Variants in FKTN observed in about 807,000 individuals in gnomAD.
The protein encoded by FKTN is ribitol-5-phosphate transferase FKTN.
A neutral mutation model predicts 58.6 loss-of-function variants in FKTN; 47 were observed. The observed-to-expected ratio is 0.80, with a 90% CI of 0.63 to 1.02. The LOEUF is 1.02. FKTN is among the 50% of genes least tolerant of loss of function. The pLI, the probability that FKTN is intolerant of heterozygous loss-of-function variation, is 0.00. For synonymous variants in FKTN, 178 were observed against 191.9 expected, an observed-to-expected ratio of 0.93 and a Z score of 0.60; for missense variants, 516 against 537.3, an observed-to-expected ratio of 0.96 and a Z score of 0.39.
intron 1 of FKTN, among the ~76,000 whole-genome samples, chr9:105,564,986 C>G (rs562071162): frequency 4.6e-5 from 7 of 152,244 alleles, no homozygotes; most frequent in African/African-American, 1.4e-4. Flanking sequence ...AGAGTGTGGG[C>G]CAATATTCAA....
chr9:105,581,072 AT>A (rs1842787284), intron 3 of FKTN, among the ~76,000 whole-genome samples: 1 of 148,550 alleles, frequency 6.7e-6, no homozygotes, highest in Non-Finnish European at 1.5e-5. Context: ...ATTCTTCTCA[AT>A]TTTTTTCAAA....
intron 10 of FKTN, among the ~76,000 whole-genome samples, chr9:105,620,504 A>C (rs181601999): frequency 6.6e-6 from 1 of 152,138 alleles, no homozygotes; most frequent in Admixed American, 6.5e-5. Context: ...TAACCCATCT[A>C]GTCCTCAAAA....
In FKTN at chr9:105,596,646, A is replaced by G. The variant is rs1064796459; in HGVS notation, c.154A>G (p.Ser52Gly). 6.2e-6 allele frequency: 10 copies of G among 1,607,426 alleles called. No homozygotes were observed. The highest frequency in any genetic ancestry group is 1.7e-5 in the Admixed American group (1 of 59,990). Residue 52 changes from serine to glycine, a missense_variant, in exon 4 of 11, where the codon AGC becomes GGC. Coordinates refer to ENST00000357998, the MANE Select transcript of FKTN (RefSeq NM_001079802.2). Reference sequence around the variant, plus strand: ...CAAAGGAAGCCGAATTGGATTTGATAGCACACAGTGGGTATGTAGAATAAA... The same window carrying G: ...CAAAGGAAGCCGAATTGGATTTGATGGCACACAGTGGGTATGTAGAATAAA... The part of the protein sequence containing the change: ...KSKGSRIGFD[S>G]TQWRAVKKFI...
intron 10 of FKTN, among the ~76,000 whole-genome samples, chr9:105,623,980 A>T (rs1832387761): frequency 6.6e-6 from 1 of 152,182 alleles, no homozygotes; most frequent in African/African-American, 2.4e-5. Context: ...TTTTTAATTT[A>T]AAAAATTCTG....
At chr9:105,604,105 A>G (rs1357930353) in intron 5 of FKTN, 110 bp from the exon 6 acceptor site, 3 of 1,131,124 alleles carry the variant, frequency 2.7e-6, no homozygotes, top group Non-Finnish European at 2.7e-6. Flanking sequence ...GCACAAAAAT[A>G]TGGCTCAAGT....
intron 3 of FKTN, among the ~76,000 whole-genome samples, chr9:105,581,583 G>A (rs890718604): frequency 6.6e-6 from 1 of 151,960 alleles, no homozygotes; most frequent in African/African-American, 2.4e-5. Context: ...TGTCAGACAG[G>A]GACATTGAAG....
At chr9:105,624,686 T>G (rs1162610794) in intron 10 of FKTN, among the ~76,000 whole-genome samples, 3 of 151,396 alleles carry the variant, frequency 2.0e-5, no homozygotes, top group South Asian at 2.1e-4. Context: ...TAACATCAAC[T>G]GGCTTTTAGT....
In FKTN at chr9:105,607,936, T is replaced by C. The variant is rs2132901560; in HGVS notation, c.765T>C (p.Ala255=). The change falls in exon 7 of 11, where the codon GCT becomes GCC. Residue 255 remains alanine (A), a synonymous_variant. Coordinates refer to ENST00000357998, the MANE Select transcript of FKTN (RefSeq NM_001079802.2). ...SRFIECRYKE[A]RAFFQQYLDD... is the part of the protein sequence containing the mutation. ...TTATTGAGTGTAGGTATAAAGAAGCTCGAGCATTCTTTCAGGTTAGAGACA... is the reference window on the plus strand; with the variant it reads ...TTATTGAGTGTAGGTATAAAGAAGCCCGAGCATTCTTTCAGGTTAGAGACA... The C allele has an allele frequency of 1.2e-6, 2 of 1,612,194 alleles. No homozygotes were observed. Among genetic ancestry groups the C allele is most frequent in the Non-Finnish European group, 1.7e-6 (2 of 1,178,430 alleles).
chr9:105,575,413 G>A (rs986931851), intron 3 of FKTN, among the ~76,000 whole-genome samples: 1 of 152,068 alleles, frequency 6.6e-6, no homozygotes, highest in African/African-American at 2.4e-5. Flanking sequence ...TCATTTAAAT[G>A]AACTCAATGA....
intron 2 of FKTN, chr9:105,574,092 A>G (rs1841261469): frequency 6.6e-6 from 1 of 152,226 alleles, no homozygotes; most frequent in African/African-American, 2.4e-5. Flanking sequence ...TAGTTATAGA[A>G]TACAATAGAA....
intron 3 of FKTN, among the ~76,000 whole-genome samples, chr9:105,589,983 G>A (rs987666397): frequency 2.0e-5 from 3 of 152,178 alleles, no homozygotes; most frequent in Non-Finnish European, 4.4e-5. Context: ...TAAGGACTTT[G>A]ACCTTTTATC....
intron 1 of FKTN, among the ~76,000 whole-genome samples, chr9:105,564,506 A>G (rs1365669818): frequency 6.6e-6 from 1 of 152,230 alleles, no homozygotes; most frequent in African/African-American, 2.4e-5. Flanking sequence ...AGAATGCACA[A>G]GCTTCAGTAG....
intron 4 of FKTN, among the ~76,000 whole-genome samples, chr9:105,599,988 C>A (rs1827585337): frequency 6.6e-6 from 1 of 151,150 alleles, no homozygotes; most frequent in South Asian, 2.1e-4. Context: ...AATTCAGTTT[C>A]TTTAATAGGT....
chr9:105,622,385 A>C (rs1250915301), intron 10 of FKTN, among the ~76,000 whole-genome samples: 10 of 152,070 alleles, frequency 6.6e-5, no homozygotes, highest in African/African-American at 2.4e-4. Context: ...TTCTTTCTAA[A>C]CTACTCTGCA....
rs1340355164 is a variant in FKTN, at chr9:105,604,955, C to CAA, written c.647+478_647+479dup. Among the ~76,000 whole-genome samples the CAA allele has an allele frequency of 3.5e-4, 38 of 109,878 alleles. 1 individual carries two copies. Among genetic ancestry groups the CAA allele is most frequent in the Middle Eastern group, 5.7e-3 (1 of 176 alleles). 72.1% of individuals were successfully genotyped at this position (109,878 alleles called of 152,430 possible). On this transcript the variant is annotated intron_variant, in intron 6 of 10. Transcript: ENST00000357998. Reference sequence around the variant, plus strand: ...TGGGCAACAGAGCAGGACTTTGTCTCAAAAAAAAAAAAAAAACTGTAAAGG... The same window carrying CAA: ...TGGGCAACAGAGCAGGACTTTGTCTCAAAAAAAAAAAAAAAAAACTGTAAAGG...
intron 1 of FKTN, among the ~76,000 whole-genome samples, chr9:105,565,210 A>C (rs1410385981): frequency 1.3e-5 from 2 of 152,194 alleles, no homozygotes; most frequent in African/African-American, 4.8e-5. Flanking sequence ...GATTCTAAAG[A>C]CCATGGATGC....
intron 3 of FKTN, among the ~76,000 whole-genome samples, chr9:105,586,875 T>C (rs796132888): frequency 2.6e-5 from 4 of 152,192 alleles, no homozygotes; most frequent in African/African-American, 9.7e-5. Flanking sequence ...TAAGCTTATA[T>C]TTTTTACTTT....
intron 1 of FKTN, among the ~76,000 whole-genome samples, chr9:105,559,882 A>T (rs1031987919): frequency 2.4e-4 from 36 of 152,152 alleles, no homozygotes; most frequent in African/African-American, 8.4e-4. Flanking sequence ...CCATACCCAC[A>T]GAGAGGAGGT....
At position 105,633,901 on chromosome 9, in the gene FKTN, C is replaced by T. The variant is rs1403765757; in HGVS notation, c.1173-1150C>T. ...GGCTTTTCCCTGTTCTTTCTTTAATCCTCTGATATTTTAAATTCCTGTAAT... is the reference window on the plus strand; with the variant it reads ...GGCTTTTCCCTGTTCTTTCTTTAATTCTCTGATATTTTAAATTCCTGTAAT... On this transcript the variant is annotated intron_variant, in intron 10 of 10. Transcript: ENST00000357998. 2.0e-5 allele frequency among the ~76,000 whole-genome samples: 3 copies of T among 152,232 alleles called. No individual in the cohort carries two copies. In the East Asian group the frequency reaches 5.8e-4, roughly 29 times the overall value.
Sources: allele counts gnomAD v4.1 joint callset (sites outside exome capture counted in the v4.1 genomes callset), GRCh38; gene constraint gnomAD v4.1.1; transcripts MANE v1.5; gene names NCBI Gene and HGNC (gene_info 2026-07-23, HGNC 2026-07-21).